The following DLG2 variants were observed in gnomAD, a reference collection of about 807,000 sequenced individuals.
DLG2 encodes discs large MAGUK scaffold protein 2.
Under a neutral mutation model 132.5 loss-of-function variants are expected in DLG2, and 45 were observed. The observed-to-expected ratio is 0.34, with a 90% CI of 0.27 to 0.44. The LOEUF is 0.44. Among genes scored for constraint, DLG2 ranks in the 20% least tolerant of loss-of-function variants. The probability of loss-of-function intolerance (pLI) is 1.00; values close to 1 mark genes in which losing one functional copy is unlikely to be tolerated. For synonymous variants in DLG2, 424 were observed against 419.6 expected (o/e 1.01, Z -0.13); for missense variants, 1,045 against 1,196.9 (o/e 0.87, Z 1.87).
chr11:84,714,531 TTCTC>T (rs1282932650), intron 6 of DLG2, among the ~76,000 whole-genome samples: 2 of 105,122 alleles, frequency 1.9e-5, no homozygotes, highest in Non-Finnish European at 1.7e-5. Context: ...CATTTCCTCT[TTCTC>T]TTTCTCTTTC....
chr11:85,010,134 T>C (rs1363689982), intron 6 of DLG2, among the ~76,000 whole-genome samples: 1 of 152,076 alleles, frequency 6.6e-6, no homozygotes, highest in Non-Finnish European at 1.5e-5. Flanking sequence ...ATCAATGCAA[T>C]CTGAAATATA....
chr11:84,728,228 G>T (rs192577459), intron 6 of DLG2, among the ~76,000 whole-genome samples: 39 of 152,242 alleles, frequency 2.6e-4, no homozygotes, highest in African/African-American at 8.9e-4. Flanking sequence ...CTGTGGGTTT[G>T]TCATAAATAC....
intron 7 of DLG2, among the ~76,000 whole-genome samples, chr11:84,429,477 G>T (rs1381484726): frequency 6.6e-6 from 1 of 152,104 alleles, no homozygotes; most frequent in Non-Finnish European, 1.5e-5. Context: ...AGCTGAGAGT[G>T]TCCCATCCAA....
chr11:85,255,033 C>T (rs1225427947), intron 4 of DLG2, among the ~76,000 whole-genome samples: 2 of 151,702 alleles, frequency 1.3e-5, no homozygotes, highest in African/African-American at 4.8e-5. Flanking sequence ...TGTTTATATG[C>T]CATTTGGTTG....
At chr11:85,443,338 T>C (rs907834916) in intron 3 of DLG2, among the ~76,000 whole-genome samples, 1 of 152,214 alleles carries the variant, frequency 6.6e-6, no homozygotes, top group African/African-American at 2.4e-5. Context: ...ACAGTACTTG[T>C]TACATTGAAC....
chr11:85,552,869 G>A (rs540200025), intron 3 of DLG2, among the ~76,000 whole-genome samples: 21 of 151,304 alleles, frequency 1.4e-4, no homozygotes, highest in Non-Finnish European at 8.9e-5. Context: ...AGAGAAAATC[G>A]CTAAGAATTT....
chr11:84,813,305 C>T (rs535728842), intron 6 of DLG2, among the ~76,000 whole-genome samples: 81 of 152,072 alleles, frequency 5.3e-4, no homozygotes, highest in Non-Finnish European at 1.1e-3. Flanking sequence ...AGGCACTATC[C>T]TAGCCTTCTA....
intron 6 of DLG2, among the ~76,000 whole-genome samples, chr11:84,871,527 T>A (rs2085457501): frequency 1.3e-5 from 2 of 152,086 alleles, no homozygotes; most frequent in South Asian, 4.1e-4. Context: ...AACCATAAGA[T>A]TGTTGCTAAA....
At chr11:84,708,210 T>C (rs1256432181) in intron 6 of DLG2, among the ~76,000 whole-genome samples, 1 of 151,914 alleles carries the variant, frequency 6.6e-6, no homozygotes, top group African/African-American at 2.4e-5. Context: ...AGTGTTCTCG[T>C]CTATAAAAAT....
intron 6 of DLG2, among the ~76,000 whole-genome samples, chr11:84,569,104 C>T (rs577372917): frequency 6.6e-6 from 1 of 152,158 alleles, no homozygotes; most frequent in Non-Finnish European, 1.5e-5. Context: ...CACTGAACAA[C>T]AGAGTTCAGC....
intron 3 of DLG2, among the ~76,000 whole-genome samples, chr11:85,431,137 C>T (rs1339579059): frequency 6.6e-6 from 1 of 152,106 alleles, no homozygotes; most frequent in Non-Finnish European, 1.5e-5. Context: ...ACAAAGCAGT[C>T]CAAATATCCA....
At chr11:83,486,920 A>ATTCT (rs1292568145) in intron 21 of DLG2, among the ~76,000 whole-genome samples, 1 of 152,122 alleles carries the variant, frequency 6.6e-6, no homozygotes, top group Admixed American at 6.6e-5. Flanking sequence ...CTTTAACAGT[A>ATTCT]TTCTTTATTT....
chr11:85,132,562 C>G (rs2075802703), intron 5 of DLG2, among the ~76,000 whole-genome samples: 3 of 151,806 alleles, frequency 2.0e-5, no homozygotes, highest in African/African-American at 7.3e-5. Flanking sequence ...TCCATTTGCA[C>G]AAACATGCAA....
At chr11:83,548,111 G>A (rs945361811) in intron 19 of DLG2, among the ~76,000 whole-genome samples, 2 of 152,156 alleles carry the variant, frequency 1.3e-5, no homozygotes, top group African/African-American at 4.8e-5. Context: ...TTACACAGTG[G>A]TGGAAAGCTT....
intron 3 of DLG2, among the ~76,000 whole-genome samples, chr11:85,389,297 A>G (rs1210716009): frequency 6.6e-6 from 1 of 152,180 alleles, no homozygotes; most frequent in Non-Finnish European, 1.5e-5. Flanking sequence ...AACCCAATCC[A>G]ACAACAACAA....
chr11:85,175,153 G>A (rs2079139326), intron 4 of DLG2, among the ~76,000 whole-genome samples: 1 of 152,024 alleles, frequency 6.6e-6, no homozygotes, highest in Non-Finnish European at 1.5e-5. Context: ...ACCTGATGGA[G>A]ATACAACAAA....
intron 18 of DLG2, among the ~76,000 whole-genome samples, chr11:83,702,982 G>A (rs1325610572): frequency 6.6e-6 from 1 of 152,134 alleles, no homozygotes; most frequent in Non-Finnish European, 1.5e-5. Flanking sequence ...ATATAATGAC[G>A]CATCAATCCA....
chr11:84,870,262 T>C (rs1321812697), intron 6 of DLG2, among the ~76,000 whole-genome samples: 1 of 152,090 alleles, frequency 6.6e-6, no homozygotes, highest in Non-Finnish European at 1.5e-5. Context: ...AGAGCGATGT[T>C]TTAGCAGTAA....
At chr11:84,245,073 T>G (rs554948714) in intron 8 of DLG2, among the ~76,000 whole-genome samples, 1 of 152,350 alleles carries the variant, frequency 6.6e-6, no homozygotes, top group East Asian at 1.9e-4. Context: ...CTGGTATCAA[T>G]CAGCAGTGCC....
Sources: gnomAD v4.1 joint callset for allele counts (sites outside exome capture counted in the v4.1 genomes callset) on GRCh38, gnomAD v4.1.1 for gene constraint, MANE v1.5 for transcripts, NCBI Gene and HGNC (gene_info 2026-07-23, HGNC 2026-07-21) for gene names.